The following PTCSC3 variants were observed in gnomAD, a reference collection of about 807,000 sequenced individuals.
The protein encoded by PTCSC3 is papillary thyroid carcinoma susceptibility candidate 3, also known as papillary thyroid carcinoma susceptibility candidate 3 (non-protein coding).
chr14:36,174,309 T>C (rs1420628880), intron 1 of PTCSC3, among the ~76,000 whole-genome samples: 2 of 152,184 alleles, frequency 1.3e-5, no homozygotes, highest in African/African-American at 4.8e-5. Context: ...GGTTTGTATC[T>C]AAGTTCATTG....
At chr14:36,171,868 T>A (rs767625623) in intron 1 of PTCSC3, among the ~76,000 whole-genome samples, 3 of 152,124 alleles carry the variant, frequency 2.0e-5, no homozygotes, top group Non-Finnish European at 2.9e-5. Flanking sequence ...CCAGGGAATA[T>A]TAGCAAATGT....
At chr14:36,173,951 A>C (rs1171707904) in intron 1 of PTCSC3, among the ~76,000 whole-genome samples, 1 of 152,076 alleles carries the variant, frequency 6.6e-6, no homozygotes, top group African/African-American at 2.4e-5. Flanking sequence ...GTAAGTGATC[A>C]TTCTTGTTTT....
chr14:36,164,510 A>G (rs551194860), intron 1 of PTCSC3, among the ~76,000 whole-genome samples: 1 of 152,342 alleles, frequency 6.6e-6, no homozygotes, highest in East Asian at 1.9e-4. Context: ...GCACTTTAAA[A>G]ACCAGTCATT....
chr14:36,136,597 G>C (rs1881293768), intron 3 of PTCSC3, among the ~76,000 whole-genome samples: 1 of 151,964 alleles, frequency 6.6e-6, no homozygotes, highest in African/African-American at 2.4e-5. Context: ...TATGAGGAAG[G>C]GAGATAGGGC....
chr14:36,142,814 C>A (rs893407563), intron 3 of PTCSC3, among the ~76,000 whole-genome samples: 6 of 123,430 alleles, frequency 4.9e-5, no homozygotes, highest in Non-Finnish European at 6.6e-5. Context: ...CCCCTCCCCC[C>A]ACCCCACAAC....
chr14:36,161,534 T>G (rs1881956764), intron 2 of PTCSC3, among the ~76,000 whole-genome samples: 1 of 152,182 alleles, frequency 6.6e-6, no homozygotes, highest in African/African-American at 2.4e-5. Flanking sequence ...CCCTGTTGCC[T>G]GGGTATCTCC....
chr14:36,140,580 C>A (rs1040394181), intron 3 of PTCSC3, among the ~76,000 whole-genome samples: 2 of 152,168 alleles, frequency 1.3e-5, no homozygotes, highest in African/African-American at 4.8e-5. Context: ...TCCCTAATGA[C>A]ATGTGATGCT....
chr14:36,171,429 C>T (rs1834854), intron 1 of PTCSC3, among the ~76,000 whole-genome samples: 96,877 of 151,590 alleles, frequency 0.64, 31,644 homozygotes, highest in Non-Finnish European at 0.71. Flanking sequence ...ATGTGCTATA[C>T]TGAAATCTGA....
intron 2 of PTCSC3, among the ~76,000 whole-genome samples, chr14:36,156,866 A>G (rs1023730765): frequency 6.6e-6 from 1 of 152,216 alleles, no homozygotes; most frequent in Admixed American, 6.5e-5. Context: ...CAGTGCCACA[A>G]TAAACATGCA....
At chr14:36,147,534 C>G in intron 3 of PTCSC3, among the ~76,000 whole-genome samples, 1 of 152,184 alleles carries the variant, frequency 6.6e-6, no homozygotes, top group African/African-American at 2.4e-5. Context: ...AAGCACTTCT[C>G]TGTATGGTTA....
At chr14:36,176,100 T>A (rs1882275944) in intron 1 of PTCSC3, among the ~76,000 whole-genome samples, 1 of 152,194 alleles carries the variant, frequency 6.6e-6, no homozygotes, top group African/African-American at 2.4e-5. Context: ...GTACATAATG[T>A]CATGTGAGTG....
At chr14:36,142,117 C>T (rs1881436667) in intron 3 of PTCSC3, among the ~76,000 whole-genome samples, 1 of 152,140 alleles carries the variant, frequency 6.6e-6, no homozygotes, top group Non-Finnish European at 1.5e-5. Flanking sequence ...AGGCAGAAAG[C>T]AACTAGTTTC....
chr14:36,151,481 A>G (rs1389819900), intron 3 of PTCSC3, among the ~76,000 whole-genome samples: 1 of 152,028 alleles, frequency 6.6e-6, no homozygotes. Flanking sequence ...TGCATCTTTC[A>G]TTCTTCTCCT....
rs1245939500 is a variant in PTCSC3 at position 36,169,213 on chromosome 14, AT to A, written n.172-6531del. Among the ~76,000 whole-genome samples, 4 of 151,780 alleles carry A rather than the reference AT, an allele frequency of 2.6e-5. No homozygotes were observed. In the East Asian group the frequency reaches 7.7e-4, roughly 29 times the overall value. Reference sequence around the variant, plus strand: ...CTGTGGGACAAACATACTGCCTTAAATTTTTTTTTAAATTTTTAAATCTATG... The same window carrying A: ...CTGTGGGACAAACATACTGCCTTAAATTTTTTTTAAATTTTTAAATCTATG... On this transcript the variant is annotated intron_variant and non_coding_transcript_variant, in intron 1 of 3. Coordinates refer to ENST00000556013, the Ensembl canonical transcript of PTCSC3.
chr14:36,148,539 A>G (rs1566504938), intron 3 of PTCSC3, among the ~76,000 whole-genome samples: 1 of 152,050 alleles, frequency 6.6e-6, no homozygotes, highest in Non-Finnish European at 1.5e-5. Context: ...CAGTGTGTGC[A>G]CCCACTGACC....
At chr14:36,139,984 C>G (rs1450651844) in intron 3 of PTCSC3, among the ~76,000 whole-genome samples, 2 of 152,182 alleles carry the variant, frequency 1.3e-5, no homozygotes, top group Admixed American at 6.5e-5. Context: ...CTTCACCTAT[C>G]CATCCCTTCC....
chr14:36,145,922 C>T (rs1473314407), intron 3 of PTCSC3, among the ~76,000 whole-genome samples: 1 of 151,488 alleles, frequency 6.6e-6, no homozygotes, highest in Non-Finnish European at 1.5e-5. Flanking sequence ...GTTATGTACC[C>T]AGTAGTCATT....
exon 4 of PTCSC3, chr14:36,136,318 T>G (rs878910302): frequency 6.5e-6 from 1 of 152,732 alleles, no homozygotes; most frequent in Admixed American, 6.5e-5. Context: ...CACTCAGTAT[T>G]AACCATCACA....
intron 3 of PTCSC3, among the ~76,000 whole-genome samples, chr14:36,140,695 G>A (rs141464285): frequency 3.3e-4 from 50 of 151,356 alleles, no homozygotes; most frequent in South Asian, 1.0e-3. Flanking sequence ...TTTGTGGCTC[G>A]TCTTTTCATT....
Sources: gnomAD v4.1 joint callset for allele counts (sites outside exome capture counted in the v4.1 genomes callset) on GRCh38, gnomAD v4.1.1 for gene constraint, MANE v1.5 for transcripts, NCBI Gene and HGNC (gene_info 2026-07-23, HGNC 2026-07-21) for gene names.